Variants in MTMR2 observed in about 807,000 individuals in gnomAD.
MTMR2 encodes phosphatidylinositol-3,5-bisphosphate 3-phosphatase MTMR2.
Under a neutral mutation model 86.9 loss-of-function variants are expected in MTMR2, and 55 were observed. The ratio of observed to expected loss-of-function variants is 0.63; its 90% CI spans 0.51 to 0.79. The LOEUF is 0.79. Ranked by LOEUF, MTMR2 falls within the 30% of genes least tolerant of loss-of-function variation. MTMR2 has a pLI of 0.00. For missense variants in MTMR2, 659 were observed against 772.3 expected (o/e 0.85, Z 1.74); for synonymous variants, 241 against 266.8 (o/e 0.90, Z 0.94).
intron 2 of MTMR2, among the ~76,000 whole-genome samples, chr11:95,880,564 C>T (rs1459616999): frequency 6.6e-6 from 1 of 151,960 alleles, no homozygotes; most frequent in Non-Finnish European, 1.5e-5. Flanking sequence ...ATTCCCACTG[C>T]CCCACTTTTC....
intron 5 of MTMR2, among the ~76,000 whole-genome samples, chr11:95,861,629 G>A (rs1192166515): frequency 2.0e-5 from 3 of 151,830 alleles, no homozygotes; most frequent in African/African-American, 7.3e-5. Flanking sequence ...TCATCATGTT[G>A]GCCAGACTGA....
At chr11:95,853,703 A>C (rs1277675242) in intron 7 of MTMR2, among the ~76,000 whole-genome samples, 1 of 152,162 alleles carries the variant, frequency 6.6e-6, no homozygotes, top group African/African-American at 2.4e-5. Flanking sequence ...GCTCCACTGA[A>C]CACAAACTCT....
At chr11:95,898,968 C>T (rs1023069850) in intron 1 of MTMR2, among the ~76,000 whole-genome samples, 1 of 152,096 alleles carries the variant, frequency 6.6e-6, no homozygotes, top group East Asian at 1.9e-4. Flanking sequence ...ACTTATAATG[C>T]AGTTAGAGAT....
chr11:95,897,431 T>G (rs1401073583), intron 1 of MTMR2, among the ~76,000 whole-genome samples: 1 of 152,160 alleles, frequency 6.6e-6, no homozygotes, highest in Non-Finnish European at 1.5e-5. Context: ...CTAAATAGAA[T>G]TAATCCGATA....
intron 11 of MTMR2, 106 bp from the exon 12 acceptor site, chr11:95,841,815 G>A: frequency 1.1e-6 from 1 of 890,450 alleles, no homozygotes; most frequent in East Asian, 2.6e-5. Flanking sequence ...AATTTTCAAA[G>A]TCGGGTGCTG....
At chr11:95,889,066 G>A (rs1460152743) in intron 1 of MTMR2, among the ~76,000 whole-genome samples, 4 of 151,798 alleles carry the variant, frequency 2.6e-5, no homozygotes, top group Admixed American at 6.6e-5. Flanking sequence ...CCTGCCTGAA[G>A]TATCTACTTC....
intron 11 of MTMR2, among the ~76,000 whole-genome samples, chr11:95,842,336 T>C (rs1863581974): frequency 6.6e-6 from 1 of 152,220 alleles, no homozygotes; most frequent in Non-Finnish European, 1.5e-5. Flanking sequence ...TTAATTTCTC[T>C]CTGAGAAATA....
At chr11:95,838,722 G>A (rs560959960) in intron 12 of MTMR2, among the ~76,000 whole-genome samples, 10 of 151,984 alleles carry the variant, frequency 6.6e-5, no homozygotes, top group African/African-American at 2.2e-4. Context: ...TTGCACCGAC[G>A]TAAACTTTTC....
intron 1 of MTMR2, among the ~76,000 whole-genome samples, chr11:95,906,775 C>T (rs1309969942): frequency 6.6e-6 from 1 of 152,134 alleles, no homozygotes; most frequent in African/African-American, 2.4e-5. Flanking sequence ...TAACAACTTG[C>T]TCCTGAATAA....
At chr11:95,905,329 G>GCA (rs1555073885) in intron 1 of MTMR2, among the ~76,000 whole-genome samples, 3 of 39,740 alleles carry the variant, frequency 7.5e-5, no homozygotes, top group South Asian at 9.4e-4. Flanking sequence ...GCACGCACCT[G>GCA]CGCACACACA....
intron 2 of MTMR2, among the ~76,000 whole-genome samples, chr11:95,876,376 C>A (rs1053506821): frequency 1.3e-5 from 2 of 152,170 alleles, no homozygotes; most frequent in Admixed American, 6.5e-5. Flanking sequence ...AGTTACATAA[C>A]CCTCAGATAT....
intron 1 of MTMR2, among the ~76,000 whole-genome samples, chr11:95,910,084 T>A (rs1212884937): frequency 1.4e-5 from 2 of 148,074 alleles, no homozygotes; most frequent in African/African-American, 5.1e-5. Flanking sequence ...TGGGGAGAAA[T>A]TTTTTTAAAT....
In MTMR2 at chr11:95,888,261, ACTAC is replaced by A; in HGVS notation, c.81-4_81-1del. On this transcript the variant is annotated splice_acceptor_variant and splice_polypyrimidine_tract_variant and intron_variant, in intron 1 of 14. Coordinates refer to ENST00000346299, the MANE Select transcript of MTMR2 (RefSeq NM_016156.6). LOFTEE classifies it high-confidence loss of function. ...AATTCTCTGAATGAGAAGTGGAGGC[ACTAC>A]AAAATACAAAAGTACAGTATGTTGG... 6.2e-7 allele frequency: 1 copy of A among 1,609,928 alleles called. No homozygotes were observed. The highest frequency in any genetic ancestry group is 8.5e-7 in the Non-Finnish European group (1 of 1,176,616).
intron 3 of MTMR2, among the ~76,000 whole-genome samples, chr11:95,863,419 A>C (rs1864493343): frequency 6.6e-6 from 1 of 152,230 alleles, no homozygotes; most frequent in South Asian, 2.1e-4. Context: ...TAACCTTCAA[A>C]ATAGTTCCCT....
At chr11:95,892,383 T>C (rs1865743633) in intron 1 of MTMR2, among the ~76,000 whole-genome samples, 1 of 152,198 alleles carries the variant, frequency 6.6e-6, no homozygotes, top group Non-Finnish European at 1.5e-5. Flanking sequence ...ACTCTCAGTC[T>C]TCTACACTTT....
At chr11:95,876,103 G>A (rs1165273939) in intron 2 of MTMR2, among the ~76,000 whole-genome samples, 1 of 152,178 alleles carries the variant, frequency 6.6e-6, no homozygotes, top group Non-Finnish European at 1.5e-5. Context: ...TGCGTGCTGG[G>A]AGAACCACTA....
chr11:95,849,475 C>T (rs1230956159), intron 9 of MTMR2, among the ~76,000 whole-genome samples, 199 bp downstream of exon 9: 1 of 151,986 alleles, frequency 6.6e-6, no homozygotes, highest in African/African-American at 2.4e-5. Context: ...TATTATTATT[C>T]TCATTTTTAC....
intron 1 of MTMR2, among the ~76,000 whole-genome samples, chr11:95,909,701 A>T (rs1312319643): frequency 2.0e-5 from 3 of 152,062 alleles, no homozygotes; most frequent in African/African-American, 4.8e-5. Context: ...AATGTACTAA[A>T]TACTGGGGAT....
At chr11:95,846,319 C>T (rs1409236076) in intron 10 of MTMR2, among the ~76,000 whole-genome samples, 3 of 152,214 alleles carry the variant, frequency 2.0e-5, no homozygotes, top group Non-Finnish European at 2.9e-5. Context: ...GTAGATACTG[C>T]TCTAGGCACG....
Sources: gnomAD v4.1 joint callset for allele counts (sites outside exome capture counted in the v4.1 genomes callset) on GRCh38, gnomAD v4.1.1 for gene constraint, MANE v1.5 for transcripts, NCBI Gene and HGNC (gene_info 2026-07-23, HGNC 2026-07-21) for gene names.